Variants in MYO5A observed in about 807,000 individuals in gnomAD.
The protein encoded by MYO5A is myosin VA, also known as unconventional myosin-Va.
A neutral mutation model predicts 249.7 loss-of-function variants in MYO5A; 98 were observed. The ratio of observed to expected loss-of-function variants is 0.39; its 90% confidence interval spans 0.33 to 0.46. MYO5A has a LOEUF of 0.46. MYO5A is among the 20% of genes least tolerant of loss of function. The pLI, the probability that MYO5A is intolerant of heterozygous loss-of-function variation, is 0.98. For synonymous variants in MYO5A, 778 were observed against 810.6 expected, an observed-to-expected ratio of 0.96 and a Z score of 0.68; for missense variants, 1,696 against 2,308.8, an observed-to-expected ratio of 0.73 and a Z score of 5.44.
intron 1 of MYO5A, among the ~76,000 whole-genome samples, chr15:52,445,327 C>T (rs148397411): frequency 1.1e-3 from 171 of 152,268 alleles, no homozygotes; most frequent in African/African-American, 3.7e-3. Context: ...TGCTTTCCAC[C>T]GTGAAAGCTC....
At position 52,452,825 on chromosome 15, in the gene MYO5A, G is replaced by A. The variant is rs148563653; in HGVS notation, c.28-19540C>T. 6.8e-5 allele frequency among the ~76,000 whole-genome samples: 10 copies of A among 147,558 alleles called. No individual in the cohort carries two copies. In the East Asian group the frequency reaches 7.9e-4, roughly 12 times the overall value. ...ATTGCGCCACTGTACTCCAGCCTGA[G>A]CAACAAAGTGAGACTCCATGTAAAA... On this transcript the variant is annotated intron_variant, in intron 1 of 41. Coordinates refer to ENST00000399233, the MANE Select transcript of MYO5A (RefSeq NM_001382347.1).
chr15:52,420,587 C>A (rs1184724084), intron 4 of MYO5A, among the ~76,000 whole-genome samples: 1 of 152,030 alleles, frequency 6.6e-6, no homozygotes, highest in African/African-American at 2.4e-5. Flanking sequence ...TTATAAATTA[C>A]CCAGTCTGGT....
intron 1 of MYO5A, among the ~76,000 whole-genome samples, chr15:52,434,062 C>T (rs908204901): frequency 2.0e-5 from 3 of 149,128 alleles, no homozygotes; most frequent in African/African-American, 2.5e-5. Context: ...TGCAGTGGCA[C>T]GATTTCGGCT....
chr15:52,528,731 C>T, intron 1 of MYO5A, 49 bp downstream of exon 1: 4 of 1,484,262 alleles, frequency 2.7e-6, no homozygotes, highest in Non-Finnish European at 3.6e-6. Context: ...CAGCTGGCGG[C>T]GAGGGCCGCA....
At chr15:52,432,867 A>T (rs1394703409) in intron 2 of MYO5A, among the ~76,000 whole-genome samples, 1 of 151,912 alleles carries the variant, frequency 6.6e-6, no homozygotes, top group African/African-American at 2.4e-5. Flanking sequence ...CACTACAAGC[A>T]CTCCCCATAG....
At chr15:52,512,922 C>T (rs531162637) in intron 1 of MYO5A, among the ~76,000 whole-genome samples, 14 of 147,306 alleles carry the variant, frequency 9.5e-5, no homozygotes, top group Admixed American at 5.4e-4. Context: ...GGTCAGGAGA[C>T]GGAGACCATG....
chr15:52,354,339 A>C (rs1186696627), intron 25 of MYO5A, among the ~76,000 whole-genome samples: 2 of 152,194 alleles, frequency 1.3e-5, no homozygotes, highest in African/African-American at 2.4e-5. Context: ...GAACTTACTA[A>C]AATTTAAATG....
At chr15:52,396,513 C>T (rs527811100) in intron 10 of MYO5A, 116 bp from the exon 11 acceptor site, 149 of 668,548 alleles carry the variant, frequency 2.2e-4, no homozygotes, top group Non-Finnish European at 3.6e-4. Context: ...CATTGTAAAA[C>T]TTTCTTTCCA....
chr15:52,365,331 T>C (rs1275136529), intron 23 of MYO5A, among the ~76,000 whole-genome samples: 1 of 152,226 alleles, frequency 6.6e-6, no homozygotes, highest in Non-Finnish European at 1.5e-5. Context: ...TGAGGAAACC[T>C]TGCCTTCTCC....
intron 1 of MYO5A, among the ~76,000 whole-genome samples, chr15:52,478,942 C>T (rs2076657631): frequency 1.3e-5 from 2 of 152,036 alleles, no homozygotes; most frequent in Non-Finnish European, 1.5e-5. Context: ...TTACATTTCT[C>T]TCAACTGTGA....
chr15:52,442,994 G>A (rs542371945), intron 1 of MYO5A, among the ~76,000 whole-genome samples: 3 of 152,232 alleles, frequency 2.0e-5, no homozygotes, highest in African/African-American at 4.8e-5. Context: ...CTTGTGATCC[G>A]CCTGCCTTGG....
At chr15:52,325,669 T>C (rs569472287) in intron 36 of MYO5A, among the ~76,000 whole-genome samples, 69 of 152,252 alleles carry the variant, frequency 4.5e-4, no homozygotes, top group African/African-American at 1.5e-3. Context: ...CCCAAAGTGC[T>C]GGGATTACAG....
At position 52,434,686 on chromosome 15, in the gene MYO5A, G is replaced by A. The variant is rs569982684; in HGVS notation, c.28-1401C>T. Reference sequence around the variant, plus strand: ...ATATACTAACATGCACAAATCTTTCGAATACCACATTGAAGAAGTGTTTTT... The same window carrying A: ...ATATACTAACATGCACAAATCTTTCAAATACCACATTGAAGAAGTGTTTTT... On this transcript the variant is annotated intron_variant, in intron 1 of 41. Coordinates refer to ENST00000399233, the MANE Select transcript of MYO5A (RefSeq NM_001382347.1). 1.1e-4 allele frequency among the ~76,000 whole-genome samples: 17 copies of A among 152,274 alleles called. No individual in the cohort carries two copies. The South Asian group carries it at 1.5e-3, about 13-fold the overall frequency.
chr15:52,404,543 C>G (rs2141213543), intron 9 of MYO5A, among the ~76,000 whole-genome samples: 1 of 152,252 alleles, frequency 6.6e-6, no homozygotes, highest in South Asian at 2.1e-4. Flanking sequence ...TAGCATGGCT[C>G]TATCCACAAG....
At chr15:52,472,980 A>G (rs1019788047) in intron 1 of MYO5A, among the ~76,000 whole-genome samples, 34 of 152,350 alleles carry the variant, frequency 2.2e-4, no homozygotes, top group Admixed American at 2.0e-3. Flanking sequence ...TGTCTTCCAC[A>G]ATGGTTGAAC....
chr15:52,321,792 T>TAAAAAAAAAAAAAAAAAAAAAAAAAAA (rs71875115), intron 37 of MYO5A, among the ~76,000 whole-genome samples: 1 of 92,842 alleles, frequency 1.1e-5, no homozygotes, highest in Non-Finnish European at 2.2e-5. Context: ...GGAACTTAAC[T>TAAAAAAAAAAAAAAAAAAAAAAAAAAA]AAAAAAAAAA....
intron 1 of MYO5A, among the ~76,000 whole-genome samples, chr15:52,523,567 T>C (rs1373848574): frequency 6.6e-6 from 1 of 152,010 alleles, no homozygotes; most frequent in Admixed American, 6.6e-5. Context: ...ACAAATACAG[T>C]AACCGTAATA....
chr15:52,323,510 A>G (rs1300315431), intron 36 of MYO5A, 66 bp from the exon 37 acceptor site: 6 of 1,166,124 alleles, frequency 5.1e-6, no homozygotes, highest in Admixed American at 3.5e-5. Context: ...AAAAAATTGA[A>G]CAGATACCAA....
chr15:52,478,343 C>A (rs111954473), intron 1 of MYO5A, among the ~76,000 whole-genome samples: 30 of 152,178 alleles, frequency 2.0e-4, no homozygotes, highest in Non-Finnish European at 4.4e-5. Flanking sequence ...GGGAATTCCC[C>A]GACCCCTTGT....
Sources: gnomAD v4.1 joint callset for allele counts (sites outside exome capture counted in the v4.1 genomes callset) on GRCh38, gnomAD v4.1.1 for gene constraint, MANE v1.5 for transcripts, NCBI Gene and HGNC (gene_info 2026-07-23, HGNC 2026-07-21) for gene names.